Variants in TESK2 observed in about 807,000 individuals in gnomAD.
TESK2 encodes the protein testis associated actin remodelling kinase 2.
In TESK2, 39 loss-of-function variants were observed where a neutral mutation model predicts 57.1. That is an observed-to-expected ratio of 0.68 (90% CI 0.53 to 0.89). The LOEUF is 0.89. Among genes scored for constraint, TESK2 ranks in the 40% least tolerant of loss-of-function variants. The probability of loss-of-function intolerance (pLI) is 0.00; values close to 1 mark genes in which losing one functional copy is unlikely to be tolerated. For synonymous variants in TESK2, 249 were observed against 267.9 expected (o/e 0.93, Z 0.69); for missense variants, 646 against 732.1 (o/e 0.88, Z 1.36).
intron 2 of TESK2, among the ~76,000 whole-genome samples, chr1:45,453,140 A>G (rs1651937418): frequency 6.6e-6 from 1 of 152,016 alleles, no homozygotes; most frequent in African/African-American, 2.4e-5. Flanking sequence ...TGAGCCCAGG[A>G]GTTCAACACC....
chr1:45,457,521 G>T, intron 2 of TESK2, 43 bp downstream of exon 2: 2 of 1,570,578 alleles, frequency 1.3e-6, no homozygotes, highest in South Asian at 1.1e-5. Context: ...CAGTAAATGT[G>T]ACCACAGCAA....
At chr1:45,405,677 T>A (rs1189885216) in intron 3 of TESK2, among the ~76,000 whole-genome samples, 1 of 150,114 alleles carries the variant, frequency 6.7e-6, no homozygotes. Flanking sequence ...TATAAAATCT[T>A]AGTGTGTGTA....
At chr1:45,354,497 G>C (rs1647322461) in intron 5 of TESK2, among the ~76,000 whole-genome samples, 1 of 151,934 alleles carries the variant, frequency 6.6e-6, no homozygotes, top group Non-Finnish European at 1.5e-5. Context: ...GTGATGGCAG[G>C]CGTCTGTAAT....
intron 4 of TESK2, among the ~76,000 whole-genome samples, chr1:45,367,348 G>T (rs1647968752): frequency 6.6e-6 from 1 of 151,200 alleles, no homozygotes; most frequent in Non-Finnish European, 1.5e-5. Flanking sequence ...CTACATCTCA[G>T]TAAACGGCAT....
At chr1:45,467,147 G>A (rs1652584542) in intron 1 of TESK2, among the ~76,000 whole-genome samples, 1 of 152,154 alleles carries the variant, frequency 6.6e-6, no homozygotes, top group African/African-American at 2.4e-5. Context: ...AAGTGGCCAA[G>A]TGGTTAAGGT....
intron 4 of TESK2, among the ~76,000 whole-genome samples, chr1:45,370,419 C>T (rs1278592924): frequency 6.6e-6 from 1 of 152,128 alleles, no homozygotes; most frequent in Non-Finnish European, 1.5e-5. Context: ...TAAGCAGCTA[C>T]CATTTGTCAG....
intron 3 of TESK2, among the ~76,000 whole-genome samples, chr1:45,416,849 C>T (rs1200558721): frequency 6.6e-6 from 1 of 151,528 alleles, no homozygotes; most frequent in African/African-American, 2.4e-5. Flanking sequence ...CGCAGTGGTG[C>T]GATCTCGGCT....
At chr1:45,347,570 A>G (rs1335813931) in intron 7 of TESK2, 39 bp downstream of exon 7, 3 of 1,578,082 alleles carry the variant, frequency 1.9e-6, no homozygotes, top group African/African-American at 2.7e-5. Context: ...AAAGAAAAAG[A>G]AAAAAGGAGA....
rs769856145 is a variant in TESK2, at chr1:45,421,729, G to C, written c.340C>G (p.Leu114Val). ...LMNRLSHPNI[L>V]RFMGVCVHQG... ...GAAGGAAGGAAAAGCCATTACCTAA[G>C]GATGTTGGGATGGGAGAGTCTATTC... is the stretch of plus-strand genomic sequence containing the variant. The change falls in exon 3 of 11, where the codon CTT becomes GTT. Residue 114 changes from leucine (L) to valine (V), a missense_variant. Physicochemically the swap from Leu to Val is conservative, Grantham distance 32. Coordinates refer to ENST00000372086, the MANE Select transcript of TESK2 (RefSeq NM_007170.3). The C allele has an allele frequency of 1.9e-6, 3 of 1,613,898 alleles. No homozygotes were observed. In the Admixed American group the frequency reaches 5.0e-5, roughly 27 times the overall value.
chr1:45,447,544 C>G (rs933973931), intron 2 of TESK2, among the ~76,000 whole-genome samples: 32 of 151,458 alleles, frequency 2.1e-4, no homozygotes, highest in Middle Eastern at 6.8e-3. Flanking sequence ...GGAATATCTC[C>G]TAAAGGGCCT....
At chr1:45,441,668 G>A (rs1030211483) in intron 2 of TESK2, among the ~76,000 whole-genome samples, 1 of 149,288 alleles carries the variant, frequency 6.7e-6, no homozygotes, top group Non-Finnish European at 1.5e-5. Flanking sequence ...GCCCAGGCTG[G>A]AGTACAGTGG....
chr1:45,370,386 A>G (rs924049425), intron 4 of TESK2, among the ~76,000 whole-genome samples: 6 of 152,202 alleles, frequency 3.9e-5, no homozygotes, highest in African/African-American at 1.4e-4. Flanking sequence ...TTGTTAATTT[A>G]TTTATTCAAT....
rs574521856 is a variant in TESK2 at position 45,435,483 on chromosome 1, C to T, written c.223-13637G>A. On this transcript the variant is annotated intron_variant, in intron 2 of 10. Coordinates refer to ENST00000372086, the MANE Select transcript of TESK2 (RefSeq NM_007170.3). ...CTCACTATATTACCCAGACTCATCT[C>T]GAACTCCTGGGCTCATGTGATCCTC... Among the ~76,000 whole-genome samples the T allele has an allele frequency of 9.4e-5, 14 of 148,590 alleles. No individual in the cohort carries two copies. In the East Asian group the frequency reaches 2.6e-3, roughly 27 times the overall value.
chr1:45,424,049 T>C (rs1650587474), intron 2 of TESK2, among the ~76,000 whole-genome samples: 2 of 152,204 alleles, frequency 1.3e-5, no homozygotes, highest in South Asian at 4.1e-4. Flanking sequence ...AAAAATTTCA[T>C]TTCATATCTT....
At chr1:45,356,041 TA>T (rs1362811297) in intron 4 of TESK2, among the ~76,000 whole-genome samples, 1 of 152,050 alleles carries the variant, frequency 6.6e-6, no homozygotes, top group African/African-American at 2.4e-5. Flanking sequence ...TTAAAGAAAA[TA>T]TTATTTTAGC....
rs372886401 is a variant in TESK2 at position 45,398,983 on chromosome 1, G to GAAAAAAA, written c.345-13030_345-13024dup. 449 of 236,412 alleles carry GAAAAAAA rather than the reference G, an allele frequency of 1.9e-3. 6 individuals carry two copies. The highest frequency in any genetic ancestry group is 3.7e-3 in the South Asian group (117 of 32,050). The allele number at this position is 236,412 out of a possible 1,614,324, so 14.6% of individuals were successfully genotyped here. A position where few individuals can be genotyped will look rare whatever the true frequency, so the allele number is the denominator to read the frequency against. On this transcript the variant is annotated intron_variant, in intron 3 of 10. Coordinates refer to ENST00000372086, the MANE Select transcript of TESK2 (RefSeq NM_007170.3). ...CCCAACCTCCATTGGACTAGGACCT[G>GAAAAAAA]AAAAAAAAAAAAAAAAAAAAAAAAC...
chr1:45,368,699 G>A (rs1282377354), intron 4 of TESK2, among the ~76,000 whole-genome samples: 2 of 151,596 alleles, frequency 1.3e-5, no homozygotes, highest in Non-Finnish European at 2.9e-5. Flanking sequence ...TTTTTGAGAC[G>A]GAGTTTTGCT....
At chr1:45,347,109 T>C in intron 7 of TESK2, 47 bp from the exon 8 acceptor site, 3 of 1,525,780 alleles carry the variant, frequency 2.0e-6, no homozygotes, top group Non-Finnish European at 2.7e-6. Flanking sequence ...GGTTGAGGGG[T>C]AGGGTATCTG....
chr1:45,431,548 A>G (rs568465064), intron 2 of TESK2, among the ~76,000 whole-genome samples: 1 of 152,304 alleles, frequency 6.6e-6, no homozygotes, highest in South Asian at 2.1e-4. Context: ...ATGCGCACAT[A>G]AAGAGTAGTT....
Sources: gnomAD v4.1 joint callset for allele counts (sites outside exome capture counted in the v4.1 genomes callset) on GRCh38, gnomAD v4.1.1 for gene constraint, MANE v1.5 for transcripts, NCBI Gene and HGNC (gene_info 2026-07-23, HGNC 2026-07-21) for gene names.